CALCOCO2: variants seen among roughly 807,000 people sequenced by gnomAD.
CALCOCO2 encodes the protein calcium-binding and coiled-coil domain-containing protein 2.
A neutral mutation model predicts 62.5 loss-of-function variants in CALCOCO2; 42 were observed. The observed-to-expected ratio is 0.67, with a 90% CI of 0.53 to 0.87. The LOEUF (loss-of-function observed/expected upper bound fraction) is 0.87, where lower values mean the gene tolerates loss of function less well. Ranked by LOEUF, CALCOCO2 falls within the 40% of genes least tolerant of loss-of-function variation. The probability of loss-of-function intolerance (pLI) is 0.00; values close to 1 mark genes in which losing one functional copy is unlikely to be tolerated. For synonymous variants in CALCOCO2, 167 were observed against 173.0 expected (o/e 0.97, Z 0.27); for missense variants, 456 against 515.0 (o/e 0.89, Z 1.11).
rs7216848 is a variant in CALCOCO2, at chr17:48,864,216, G to A, written c.*1211G>A. The A allele has an allele frequency of 0.11, 16,551 of 151,888 alleles. 1,551 individuals are homozygous for A. Among genetic ancestry groups the A allele is most frequent in the African/African-American group, 0.26 (10,749 of 41,348 alleles). 9.4% of individuals were successfully genotyped at this position (151,888 alleles called of 1,614,324 possible). ...GTAGCTGGGATTACAGGTGTGTGCC[G>A]CAATGCCCAGCTAATTTTTGTGTTT... On this transcript the variant is annotated 3_prime_UTR_variant, in exon 13 of 13. Coordinates refer to ENST00000258947, the MANE Select transcript of CALCOCO2 (RefSeq NM_005831.5).
At chr17:48,857,983 A>T (rs141130923) in intron 10 of CALCOCO2, among the ~76,000 whole-genome samples, 15,863 of 45,304 alleles carry the variant, frequency 0.35, 1,980 homozygotes, top group South Asian at 0.47. Context: ...TCAATAGAAT[A>T]GAATAGAATA....
Position 48,854,401 on chromosome 17 carries a change from T to A in CALCOCO2, c.912+1389T>A, listed in dbSNP as rs1248141026. Among the ~76,000 whole-genome samples the A allele has an allele frequency of 2.3e-3, 56 of 24,778 alleles. 4 individuals carry two copies. The East Asian group carries it at 0.024, about 11-fold the overall frequency. 16.3% of individuals were successfully genotyped at this position (24,778 alleles called of 152,430 possible). A position where few individuals can be genotyped will look rare whatever the true frequency, so the allele number is the denominator to read the frequency against. ...TTTTATTTATATATATATATATTTTTTTTTTTTTTTTTTTTTTTTTTTTTG... is the reference window on the plus strand; with the variant it reads ...TTTTATTTATATATATATATATTTTATTTTTTTTTTTTTTTTTTTTTTTTG... On this transcript the variant is annotated intron_variant, in intron 9 of 12. Transcript: ENST00000258947.
intron 8 of CALCOCO2, 135 bp downstream of exon 8, chr17:48,852,763 A>G: frequency 1.0e-6 from 1 of 1,004,340 alleles, no homozygotes; most frequent in Non-Finnish European, 1.5e-6. Flanking sequence ...AGAGGAAGCT[A>G]TCTGAAATGA....
intron 9 of CALCOCO2, 184 bp downstream of exon 9, chr17:48,853,196 C>G: frequency 1.8e-6 from 1 of 543,680 alleles, no homozygotes; most frequent in South Asian, 2.1e-5. Flanking sequence ...GTGGGCATTT[C>G]TAATATGTGA....
At position 48,848,339 on chromosome 17, in the gene CALCOCO2, G is replaced by A. The variant is rs775575676; in HGVS notation, c.301G>A (p.Asp101Asn). 3.7e-6 allele frequency: 6 copies of A among 1,613,646 alleles called. No individual in the cohort carries two copies. Among genetic ancestry groups the A allele is most frequent in the Non-Finnish European group, 4.2e-6 (5 of 1,179,564 alleles). The change falls in exon 4 of 13, where the codon GAT becomes AAT. Residue 101 changes from aspartate to asparagine, a missense_variant. By Grantham distance (23) the Asp-to-Asn change is conservative. Around this residue, in one of 3 missense-constraint regions of CALCOCO2, gnomAD observed 236 missense variants for 225.3 expected, o/e 1.05. Transcript: ENST00000258947. ...GTTTTCAGCTTACTACCTGCCCAAGGATGATGAGTATTACCAGTTCTGCTA... is the reference window on the plus strand; with the variant it reads ...GTTTTCAGCTTACTACCTGCCCAAGAATGATGAGTATTACCAGTTCTGCTA... ...VQFKAYYLPK[D>N]DEYYQFCYVD...
In CALCOCO2 at chr17:48,849,238, A is replaced by G; in HGVS notation, c.418-14A>G. On this transcript the variant is annotated splice_polypyrimidine_tract_variant and intron_variant, in intron 4 of 12. Transcript: ENST00000258947. ...AGGGACTTGGAATATAGTTTATGGA[A>G]TGTTCTTTTGTAGGGAGAGGTGGAA... The G allele has an allele frequency of 6.2e-7, 1 of 1,613,070 alleles. No individual in the cohort carries two copies. Among genetic ancestry groups the G allele is most frequent in the Non-Finnish European group, 8.5e-7 (1 of 1,179,272 alleles).
At chr17:48,847,276 G>T (rs2040065229) in intron 2 of CALCOCO2, among the ~76,000 whole-genome samples, 1 of 152,046 alleles carries the variant, frequency 6.6e-6, no homozygotes, top group Admixed American at 6.6e-5. Context: ...GTTGGTATAT[G>T]ACAAGGCTTA....
intron 1 of CALCOCO2, 99 bp downstream of exon 1, chr17:48,831,177 G>A (rs2039805721): frequency 6.6e-6 from 1 of 152,466 alleles, no homozygotes; most frequent in Non-Finnish European, 1.5e-5. Context: ...GGTGTGGCAA[G>A]TTTCGGTTCT....
intron 8 of CALCOCO2, 25 bp downstream of exon 8, chr17:48,852,653 C>G: frequency 1.3e-6 from 2 of 1,599,456 alleles, no homozygotes; most frequent in East Asian, 2.2e-5. Context: ...GAAAACAACA[C>G]TTTTAGGCAT....
intron 9 of CALCOCO2, among the ~76,000 whole-genome samples, chr17:48,854,131 A>C (rs1412781922): frequency 6.6e-6 from 1 of 151,110 alleles, no homozygotes; most frequent in Non-Finnish European, 1.5e-5. Context: ...GCCTGACCAA[A>C]ATGGAGAAAC....
rs147707109 is a variant in CALCOCO2 at position 48,850,225 on chromosome 17, G to A, written c.543+848G>A. 4.5e-3 allele frequency among the ~76,000 whole-genome samples: 684 copies of A among 152,260 alleles called. 5 individuals carry two copies. The highest frequency in any genetic ancestry group is 0.037 in the Middle Eastern group (11 of 294). On this transcript the variant is annotated intron_variant, in intron 5 of 12. Transcript: ENST00000258947. ...GAGGCAGGAGAATTGCTTGAACCTG[G>A]GAGGCAGAGGTTGCAGTGAGCCAAG... is the stretch of plus-strand genomic sequence containing the variant.
chr17:48,861,360 C>T (rs533067583), intron 11 of CALCOCO2, among the ~76,000 whole-genome samples: 6 of 152,094 alleles, frequency 3.9e-5, no homozygotes, highest in South Asian at 2.1e-4. Flanking sequence ...GAGACTAAGG[C>T]GCCAGCCACC....
At chr17:48,856,959 C>T (rs896603988) in intron 10 of CALCOCO2, among the ~76,000 whole-genome samples, 11 of 135,060 alleles carry the variant, frequency 8.1e-5, no homozygotes, top group African/African-American at 1.1e-4. Flanking sequence ...CCACCATGCC[C>T]GGCTAATTTT....
intron 10 of CALCOCO2, among the ~76,000 whole-genome samples, chr17:48,858,227 A>T (rs754641361): frequency 5.3e-5 from 8 of 151,988 alleles, no homozygotes; most frequent in Non-Finnish European, 1.2e-4. Flanking sequence ...ACTTTTGATT[A>T]TATCATTTAT....
At chr17:48,844,778 A>G (rs1199344081) in intron 2 of CALCOCO2, among the ~76,000 whole-genome samples, 1 of 152,044 alleles carries the variant, frequency 6.6e-6, no homozygotes, top group Non-Finnish European at 1.5e-5. Context: ...TCAGCCTCCC[A>G]AAGTGCTGGG....
intron 9 of CALCOCO2, among the ~76,000 whole-genome samples, chr17:48,853,545 G>A (rs563916): frequency 0.11 from 16,363 of 152,234 alleles, 1,700 homozygotes; most frequent in East Asian, 0.58. Flanking sequence ...CCAAGGACAT[G>A]AGTAATCCTG....
intron 2 of CALCOCO2, among the ~76,000 whole-genome samples, chr17:48,846,691 T>G (rs1377188354): frequency 1.3e-5 from 2 of 152,160 alleles, no homozygotes; most frequent in East Asian, 3.8e-4. Flanking sequence ...CAATGGGGTG[T>G]GTATTAATGA....
At chr17:48,836,387 T>G (rs2039890518) in intron 1 of CALCOCO2, among the ~76,000 whole-genome samples, 1 of 152,054 alleles carries the variant, frequency 6.6e-6, no homozygotes, top group Non-Finnish European at 1.5e-5. Flanking sequence ...AACAACAAAT[T>G]AAGAGGGCTT....
In CALCOCO2 at chr17:48,851,618, A is replaced by T. The variant is rs1347350094; in HGVS notation, c.692A>T (p.Asp231Val). Residue 231 changes from aspartate to valine, a missense_variant, in exon 7 of 13, where the codon GAT (aspartate) becomes GTT (valine). Around this residue, in one of 3 missense-constraint regions of CALCOCO2, gnomAD observed 236 missense variants for 225.3 expected, o/e 1.05. Transcript: ENST00000258947. ...AATGAGAAGATGGGAATCAGAGTGG[A>T]TCAGCTTCAGGTAGGTAATGCCATA... Reference protein sequence around the residue: ...SENEKMGIRVDQLQAQLSTQE... With the variant: ...SENEKMGIRVVQLQAQLSTQE... 1.8e-5 allele frequency: 29 copies of T among 1,590,082 alleles called. No homozygotes were observed. Among genetic ancestry groups the T allele is most frequent in the Non-Finnish European group, 2.5e-5 (29 of 1,157,858 alleles).
Sources: allele counts gnomAD v4.1 joint callset (sites outside exome capture counted in the v4.1 genomes callset), GRCh38; gene constraint gnomAD v4.1.1; regional missense constraint gnomAD v4.1.1; transcripts MANE v1.5; gene names NCBI Gene and HGNC (gene_info 2026-07-23, HGNC 2026-07-21).